The following ROR1 variants were observed in gnomAD, a reference collection of about 807,000 sequenced individuals.
ROR1 encodes the protein ROR family WNT receptor 1.
ROR1 carries 19 observed loss-of-function variants against 78.8 expected under a neutral mutation model. That is an observed-to-expected ratio of 0.24 (90% CI 0.17 to 0.35). ROR1 has a LOEUF of 0.35. Ranked by LOEUF, ROR1 falls within the 10% of genes least tolerant of loss-of-function variation. ROR1 has a pLI of 1.00. For synonymous variants in ROR1, 386 were observed against 433.6 expected (o/e 0.89, Z 1.36); for missense variants, 917 against 1,177.8 (o/e 0.78, Z 3.24).
intron 4 of ROR1, among the ~76,000 whole-genome samples, chr1:64,099,985 G>A (rs756578330): frequency 5.3e-5 from 8 of 152,288 alleles, no homozygotes; most frequent in Non-Finnish European, 1.2e-4. Context: ...AACCCAGGAG[G>A]TGGAGGTTGC....
At chr1:63,900,241 G>A (rs987227604) in intron 1 of ROR1, among the ~76,000 whole-genome samples, 13 of 152,088 alleles carry the variant, frequency 8.5e-5, no homozygotes, top group African/African-American at 2.7e-4. Context: ...ATCACCTGAG[G>A]TCAGGAGTTC....
intron 1 of ROR1, chr1:63,843,750 G>T (rs1267667353): frequency 4.8e-6 from 2 of 419,764 alleles, no homozygotes; most frequent in Non-Finnish European, 9.4e-6. Flanking sequence ...TGCAGCCGCT[G>T]CTGGGACCCG....
At chr1:64,032,896 A>G (rs777482514) in intron 2 of ROR1, among the ~76,000 whole-genome samples, 24 of 152,214 alleles carry the variant, frequency 1.6e-4, no homozygotes, top group Non-Finnish European at 3.1e-4. Flanking sequence ...GACACCACTT[A>G]TATGAGGTAC....
At chr1:64,137,872 G>A (rs1302724974) in intron 5 of ROR1, among the ~76,000 whole-genome samples, 1 of 152,152 alleles carries the variant, frequency 6.6e-6, no homozygotes, top group Non-Finnish European at 1.5e-5. Context: ...ACTGAGAGGG[G>A]ATGAATTTAG....
intron 1 of ROR1, among the ~76,000 whole-genome samples, chr1:63,828,198 G>A (rs184744663): frequency 1.4e-4 from 21 of 152,270 alleles, no homozygotes; most frequent in African/African-American, 4.6e-4. Context: ...ACTGTGTAAT[G>A]TGAATGCAAT....
At chr1:63,985,012 T>C (rs541165393) in intron 1 of ROR1, among the ~76,000 whole-genome samples, 1 of 152,312 alleles carries the variant, frequency 6.6e-6, no homozygotes, top group East Asian at 1.9e-4. Context: ...TTGGACTTCA[T>C]TGTGAGTTTT....
intron 1 of ROR1, among the ~76,000 whole-genome samples, chr1:63,858,579 C>T (rs1645162092): frequency 6.6e-6 from 1 of 152,220 alleles, no homozygotes; most frequent in Admixed American, 6.5e-5. Flanking sequence ...TGTGTTGCTT[C>T]TAAAACTACT....
chr1:64,113,036 C>T (rs1011011645), intron 4 of ROR1, among the ~76,000 whole-genome samples: 4 of 152,118 alleles, frequency 2.6e-5, no homozygotes, highest in South Asian at 2.1e-4. Flanking sequence ...TTGCCACCTT[C>T]CATAGATTTA....
At chr1:63,846,372 A>G (rs677806) in intron 1 of ROR1, among the ~76,000 whole-genome samples, 64,154 of 151,842 alleles carry the variant, frequency 0.42, 16,556 homozygotes, top group African/African-American at 0.74. Context: ...CTGTGAGTAA[A>G]TTCTTTGTAT....
At position 63,993,015 on chromosome 1, in the gene ROR1, C is replaced by T. The variant is rs117340760; in HGVS notation, c.92-16290C>T. ...TTAGATACCTAATAAGTGTCCAACA[C>T]GAAGGATTTAAAGATCAGTACTCAA... is the stretch of plus-strand genomic sequence containing the variant. On this transcript the variant is annotated intron_variant, in intron 1 of 8. Transcript: ENST00000371079. Among the ~76,000 whole-genome samples the T allele has an allele frequency of 4.9e-4, 74 of 152,222 alleles. No individual in the cohort carries two copies. In the East Asian group the frequency reaches 0.013, roughly 26 times the overall value.
intron 4 of ROR1, among the ~76,000 whole-genome samples, chr1:64,073,642 A>G (rs185478396): frequency 2.6e-5 from 4 of 152,328 alleles, no homozygotes; most frequent in South Asian, 2.1e-4. Context: ...ACTCCATGCA[A>G]TGTTTCTTCA....
chr1:64,113,857 T>C (rs1648213119), intron 4 of ROR1: 1 of 152,060 alleles, frequency 6.6e-6, no homozygotes. Flanking sequence ...CAAGGATTTT[T>C]CTTTTGGAAT....
chr1:63,913,899 G>A (rs544548243), intron 1 of ROR1, among the ~76,000 whole-genome samples: 2 of 152,098 alleles, frequency 1.3e-5, no homozygotes, highest in South Asian at 2.1e-4. Context: ...GTCCTCACAC[G>A]GTGGCTCTGT....
At chr1:63,789,586 T>G (rs1644712777) in intron 1 of ROR1, among the ~76,000 whole-genome samples, 1 of 148,476 alleles carries the variant, frequency 6.7e-6, no homozygotes, top group African/African-American at 2.5e-5. Context: ...AGAAATAGAG[T>G]GGAGGAGAAG....
At chr1:63,859,564 G>T in intron 1 of ROR1, among the ~76,000 whole-genome samples, 1 of 152,168 alleles carries the variant, frequency 6.6e-6, no homozygotes, top group East Asian at 1.9e-4. Context: ...CTGTTCTCCA[G>T]ATCTGGGATA....
chr1:64,042,151 C>T (rs930456313), intron 2 of ROR1, among the ~76,000 whole-genome samples: 3 of 152,086 alleles, frequency 2.0e-5, no homozygotes, highest in African/African-American at 7.2e-5. Flanking sequence ...GTTACTGTAG[C>T]CAGGTGTTCT....
At chr1:63,930,122 C>T (rs112803143) in intron 1 of ROR1, among the ~76,000 whole-genome samples, 1 of 152,160 alleles carries the variant, frequency 6.6e-6, no homozygotes, top group South Asian at 2.1e-4. Flanking sequence ...TCTAGCCCCC[C>T]ACCCGCTGAC....
At chr1:63,779,582 C>T (rs537289618) in intron 1 of ROR1, among the ~76,000 whole-genome samples, 5 of 152,256 alleles carry the variant, frequency 3.3e-5, no homozygotes, top group Admixed American at 2.6e-4. Context: ...GCTTGTTACA[C>T]GGAGACTGAC....
chr1:64,080,810 T>C (rs764122411), intron 4 of ROR1, among the ~76,000 whole-genome samples: 4 of 152,168 alleles, frequency 2.6e-5, no homozygotes, highest in Admixed American at 6.5e-5. Context: ...CTTTAAAAGA[T>C]TGGACAGTAG....
Sources: gnomAD v4.1 joint callset for allele counts (sites outside exome capture counted in the v4.1 genomes callset) on GRCh38, gnomAD v4.1.1 for gene constraint, MANE v1.5 for transcripts, NCBI Gene and HGNC (gene_info 2026-07-23, HGNC 2026-07-21) for gene names.